CNGB3: variants seen among roughly 807,000 people sequenced by gnomAD.
CNGB3 encodes the protein cyclic nucleotide-gated channel beta-3.
Under a neutral mutation model 92.8 loss-of-function variants are expected in CNGB3, and 86 were observed. The ratio of observed to expected loss-of-function variants is 0.93; its 90% CI spans 0.78 to 1.11. The LOEUF (loss-of-function observed/expected upper bound fraction) is 1.11. Among genes scored for constraint, CNGB3 ranks in the 50% least tolerant of loss-of-function variants. The pLI is 0.00. For missense variants in CNGB3, 1,026 were observed against 956.8 expected (o/e 1.07, Z -0.95); for synonymous variants, 333 against 332.7 (o/e 1.00, Z -0.01).
chr8:86,640,058 C>T (rs983459367), intron 10 of CNGB3, among the ~76,000 whole-genome samples: 3 of 151,964 alleles, frequency 2.0e-5, no homozygotes, highest in East Asian at 1.9e-4. Flanking sequence ...CTGTTTGTAC[C>T]CATGAAATCA....
At chr8:86,734,560 A>T (rs1020906435) in intron 2 of CNGB3, among the ~76,000 whole-genome samples, 1 of 152,240 alleles carries the variant, frequency 6.6e-6, no homozygotes, top group African/African-American at 2.4e-5. Flanking sequence ...TAGAGGTCAC[A>T]GAATGGTCTT....
At chr8:86,726,432 C>T (rs1825061785) in intron 3 of CNGB3, 99 bp downstream of exon 3, 4 of 1,517,240 alleles carry the variant, frequency 2.6e-6, no homozygotes, top group African/African-American at 1.4e-5. Context: ...ATTTTTTCTG[C>T]CCTTATATTC....
chr8:86,736,701 TCTC>T (rs1339186701), intron 2 of CNGB3, among the ~76,000 whole-genome samples: 3 of 152,246 alleles, frequency 2.0e-5, no homozygotes, highest in African/African-American at 7.2e-5. Context: ...AAAAGGGTCT[TCTC>T]CTTTTAAACA....
At chr8:86,607,581 G>A (rs1410077018) in intron 14 of CNGB3, among the ~76,000 whole-genome samples, 1 of 152,176 alleles carries the variant, frequency 6.6e-6, no homozygotes, top group Non-Finnish European at 1.5e-5. Flanking sequence ...GTTTAGAGGT[G>A]CAAATTCTCA....
At chr8:86,735,407 T>C (rs1467374984) in intron 2 of CNGB3, among the ~76,000 whole-genome samples, 2 of 152,118 alleles carry the variant, frequency 1.3e-5, no homozygotes, top group Admixed American at 1.3e-4. Context: ...TAAAGCTGTA[T>C]GTATTATAGT....
intron 10 of CNGB3, among the ~76,000 whole-genome samples, chr8:86,634,784 T>C (rs1479657898): frequency 1.3e-5 from 2 of 151,556 alleles, no homozygotes; most frequent in Non-Finnish European, 2.9e-5. Flanking sequence ...CACTAAGCTT[T>C]GAACAAGGGT....
intron 3 of CNGB3, among the ~76,000 whole-genome samples, chr8:86,694,907 G>A (rs894268934): frequency 1.3e-5 from 2 of 152,270 alleles, no homozygotes; most frequent in East Asian, 3.9e-4. Flanking sequence ...TGGCGCCCGG[G>A]CAGAGGCTGC....
At chr8:86,738,219 G>C (rs569085538) in intron 2 of CNGB3, among the ~76,000 whole-genome samples, 11 of 152,084 alleles carry the variant, frequency 7.2e-5, no homozygotes, top group African/African-American at 1.7e-4. Context: ...ATTTGGTTAG[G>C]GGGTAGTGTT....
chr8:86,583,029 G>GGGTTCAAGTGATTCTCC (rs1554605260), intron 15 of CNGB3, among the ~76,000 whole-genome samples: 1 of 10,806 alleles, frequency 9.3e-5, no homozygotes, highest in Non-Finnish European at 1.9e-4. Context: ...TCTGCTTCCT[G>GGGTTCAAGTGATTCTCC]TAGCTGGGAT....
intron 13 of CNGB3, among the ~76,000 whole-genome samples, chr8:86,625,143 T>A (rs1822821241): frequency 1.3e-5 from 2 of 152,072 alleles, no homozygotes; most frequent in Admixed American, 1.3e-4. Context: ...CAGTCTCAGG[T>A]ATTTTTTTTT....
intron 15 of CNGB3, among the ~76,000 whole-genome samples, chr8:86,584,028 T>G (rs746106248): frequency 2.6e-5 from 4 of 152,156 alleles, no homozygotes; most frequent in Non-Finnish European, 5.9e-5. Context: ...AATTTTTTCC[T>G]TTGTGGAAAA....
intron 3 of CNGB3, among the ~76,000 whole-genome samples, chr8:86,721,292 T>C (rs1477442244): frequency 1.3e-5 from 2 of 152,104 alleles, no homozygotes; most frequent in Admixed American, 6.6e-5. Context: ...GAGACTCTTA[T>C]TCTAAGTGAA....
chr8:86,728,508 G>A (rs1300282698), intron 2 of CNGB3, among the ~76,000 whole-genome samples: 2 of 152,168 alleles, frequency 1.3e-5, no homozygotes, highest in East Asian at 3.8e-4. Context: ...TCAGATCTCT[G>A]ACAAATTTCC....
intron 7 of CNGB3, among the ~76,000 whole-genome samples, chr8:86,653,239 T>C (rs1249187714): frequency 6.6e-6 from 1 of 152,078 alleles, no homozygotes; most frequent in African/African-American, 2.4e-5. Flanking sequence ...GTATTTATCC[T>C]CTTTGTAGAA....
At chr8:86,623,131 C>T (rs1822774421) in intron 13 of CNGB3, among the ~76,000 whole-genome samples, 1 of 152,088 alleles carries the variant, frequency 6.6e-6, no homozygotes, top group Non-Finnish European at 1.5e-5. Flanking sequence ...TCCATACTTA[C>T]ATCTTAAGTG....
chr8:86,697,802 C>A (rs1195636604), intron 3 of CNGB3, among the ~76,000 whole-genome samples: 1 of 151,896 alleles, frequency 6.6e-6, no homozygotes, highest in Non-Finnish European at 1.5e-5. Flanking sequence ...TCCCCCCACC[C>A]CATGACAGGC....
Position 86,654,058 on chromosome 8 carries a change from T to A in CNGB3, c.857A>T (p.Asp286Val). 2.5e-6 allele frequency: 4 copies of A among 1,585,908 alleles called. No individual in the cohort carries two copies. Among genetic ancestry groups the A allele is most frequent in the Non-Finnish European group, 3.5e-6 (4 of 1,154,674 alleles). ...GTAGTGTTTCCTTAGCTCATTTGAA[T>A]CCACCTGAAAGATATTTGTATTTTC... ...QFVRGGDIIV[D>V]SNELRKHYRT... The change falls in exon 7 of 18, where the codon GAT becomes GTT. Residue 286 changes from aspartate to valine, a missense_variant. Coordinates refer to ENST00000320005, the MANE Select transcript of CNGB3 (RefSeq NM_019098.5).
In CNGB3 at chr8:86,669,250, G is replaced by A. The variant is rs188519793; in HGVS notation, c.494-1082C>T. ...AAACTGTCTCAAATAAAAATGTAGC[G>A]TATAAAATAAAGACATTCTCACATT... On this transcript the variant is annotated intron_variant, in intron 4 of 17. Coordinates refer to ENST00000320005, the MANE Select transcript of CNGB3 (RefSeq NM_019098.5). 2.0e-3 allele frequency among the ~76,000 whole-genome samples: 308 copies of A among 151,930 alleles called. 1 individual carries two copies. Among genetic ancestry groups the A allele is most frequent in the Middle Eastern group, 6.8e-3 (2 of 294 alleles).
chr8:86,637,718 T>A (rs960613757), intron 10 of CNGB3, among the ~76,000 whole-genome samples: 2 of 152,198 alleles, frequency 1.3e-5, no homozygotes, highest in Non-Finnish European at 2.9e-5. Context: ...GATGCTTAAT[T>A]TCCTTTTCAG....
Sources: allele counts gnomAD v4.1 joint callset (sites outside exome capture counted in the v4.1 genomes callset), GRCh38; gene constraint gnomAD v4.1.1; transcripts MANE v1.5; gene names NCBI Gene and HGNC (gene_info 2026-07-23, HGNC 2026-07-21).